The following CSMD1 variants were observed in gnomAD, a reference collection of about 807,000 sequenced individuals.
CSMD1 encodes CUB and sushi domain-containing protein 1.
Under a neutral mutation model 417.5 loss-of-function variants are expected in CSMD1, and 213 were observed. The observed-to-expected ratio is 0.51, with a 90% CI of 0.46 to 0.57. The LOEUF is 0.57. Among genes scored for constraint, CSMD1 ranks in the 20% least tolerant of loss-of-function variants. The pLI is 0.00. For synonymous variants in CSMD1, 2,862 were observed against 1,736.8 expected, an observed-to-expected ratio of 1.65 and a Z score of -16.11; for missense variants, 6,923 against 4,529.7, an observed-to-expected ratio of 1.53 and a Z score of -15.17.
At chr8:4,554,190 G>C (rs1285621775) in intron 2 of CSMD1, among the ~76,000 whole-genome samples, 1 of 152,146 alleles carries the variant, frequency 6.6e-6, no homozygotes, top group Non-Finnish European at 1.5e-5. Flanking sequence ...AGGCTGGAGT[G>C]CAGTGGAGAA....
chr8:4,346,117 G>C (rs550453044), intron 3 of CSMD1, among the ~76,000 whole-genome samples: 6 of 152,218 alleles, frequency 3.9e-5, no homozygotes, highest in African/African-American at 1.4e-4. Context: ...GCATTAGAAA[G>C]GACCTGGAGG....
At chr8:4,153,837 C>A (rs955369737) in intron 3 of CSMD1, among the ~76,000 whole-genome samples, 3 of 152,212 alleles carry the variant, frequency 2.0e-5, no homozygotes, top group Non-Finnish European at 2.9e-5. Context: ...ACGTCACATG[C>A]AAGTGGTGAC....
At chr8:3,476,347 C>G (rs1817421118) in intron 11 of CSMD1, among the ~76,000 whole-genome samples, 1 of 152,110 alleles carries the variant, frequency 6.6e-6, no homozygotes, top group Non-Finnish European at 1.5e-5. Context: ...ATGTGTTTTT[C>G]CAATTCCCTG....
At chr8:3,852,011 C>T (rs995168636) in intron 5 of CSMD1, among the ~76,000 whole-genome samples, 3 of 152,148 alleles carry the variant, frequency 2.0e-5, no homozygotes, top group East Asian at 1.9e-4. Flanking sequence ...CTGCAATCAC[C>T]GGTGAGGACA....
chr8:4,392,054 C>A (rs1438427680), intron 3 of CSMD1, among the ~76,000 whole-genome samples: 1 of 152,192 alleles, frequency 6.6e-6, no homozygotes, highest in African/African-American at 2.4e-5. Context: ...GGCAATGCGA[C>A]CCTGTGGGAC....
intron 26 of CSMD1, among the ~76,000 whole-genome samples, chr8:3,269,057 G>A (rs974090752): frequency 6.6e-6 from 1 of 152,174 alleles, no homozygotes; most frequent in African/African-American, 2.4e-5. Flanking sequence ...GCTAATGTTA[G>A]AGAAAATGAA....
At chr8:4,062,311 T>A (rs995509083) in intron 3 of CSMD1, among the ~76,000 whole-genome samples, 6 of 152,186 alleles carry the variant, frequency 3.9e-5, no homozygotes, top group African/African-American at 1.2e-4. Flanking sequence ...AACTGGGGAC[T>A]TCTAAATAAT....
At chr8:4,148,133 G>C (rs146658154) in intron 3 of CSMD1, among the ~76,000 whole-genome samples, 1 of 152,098 alleles carries the variant, frequency 6.6e-6, no homozygotes, top group East Asian at 1.9e-4. Context: ...CATGCTCTGG[G>C]TGAAGCTCAA....
intron 1 of CSMD1, among the ~76,000 whole-genome samples, chr8:4,820,986 C>T (rs1163139814): frequency 1.3e-5 from 2 of 152,246 alleles, no homozygotes; most frequent in East Asian, 3.9e-4. Flanking sequence ...GTAAGAGACA[C>T]AATCTGCACG....
chr8:4,261,505 T>C (rs1026574327), intron 3 of CSMD1, among the ~76,000 whole-genome samples: 4 of 152,228 alleles, frequency 2.6e-5, no homozygotes, highest in Non-Finnish European at 5.9e-5. Flanking sequence ...TTACTTTAGC[T>C]AGTAATACTG....
chr8:4,039,447 T>A (rs1335631101), intron 3 of CSMD1, among the ~76,000 whole-genome samples: 2 of 152,206 alleles, frequency 1.3e-5, no homozygotes, highest in Non-Finnish European at 2.9e-5. Context: ...GATTTCCTAG[T>A]CTTGAAACCT....
intron 3 of CSMD1, among the ~76,000 whole-genome samples, chr8:4,199,617 A>G (rs1799535307): frequency 6.6e-6 from 1 of 152,162 alleles, no homozygotes; most frequent in Non-Finnish European, 1.5e-5. Flanking sequence ...AACGCCTTGC[A>G]TTTTGCTTTG....
intron 3 of CSMD1, among the ~76,000 whole-genome samples, chr8:4,229,484 G>C (rs1020524148): frequency 6.6e-6 from 1 of 152,138 alleles, no homozygotes. Flanking sequence ...ACTTACCAAA[G>C]AAAGAACATT....
chr8:4,889,069 C>A (rs1053035022), intron 1 of CSMD1, among the ~76,000 whole-genome samples: 1 of 152,044 alleles, frequency 6.6e-6, no homozygotes, highest in Non-Finnish European at 1.5e-5. Context: ...ATGTGGTAAG[C>A]CCAGTGAATG....
At chr8:3,711,911 C>G (rs932054867) in intron 6 of CSMD1, among the ~76,000 whole-genome samples, 2 of 152,170 alleles carry the variant, frequency 1.3e-5, no homozygotes, top group African/African-American at 2.4e-5. Flanking sequence ...AAACAGAGAT[C>G]TGTTTACTCA....
At chr8:3,737,797 A>G (rs904994039) in intron 6 of CSMD1, among the ~76,000 whole-genome samples, 1 of 152,218 alleles carries the variant, frequency 6.6e-6, no homozygotes, top group South Asian at 2.1e-4. Context: ...AAAGGAGACA[A>G]ATAAAAATAG....
chr8:4,387,191 G>A (rs1225041058), intron 3 of CSMD1, among the ~76,000 whole-genome samples: 1 of 152,136 alleles, frequency 6.6e-6, no homozygotes, highest in Non-Finnish European at 1.5e-5. Flanking sequence ...TGGCTAGGAG[G>A]TATCTGAGTG....
intron 5 of CSMD1, among the ~76,000 whole-genome samples, chr8:3,904,376 G>A (rs1267277933): frequency 6.6e-6 from 1 of 152,002 alleles, no homozygotes; most frequent in Non-Finnish European, 1.5e-5. Flanking sequence ...ACTCTTTATT[G>A]CAATGGAAAC....
chr8:4,978,753 C>A (rs536849161), intron 1 of CSMD1, among the ~76,000 whole-genome samples: 35 of 152,274 alleles, frequency 2.3e-4, no homozygotes, highest in African/African-American at 8.4e-4. Context: ...GCCTGGCCAA[C>A]ACAGTGAAAC....
Sources: allele counts gnomAD v4.1 joint callset (sites outside exome capture counted in the v4.1 genomes callset), GRCh38; gene constraint gnomAD v4.1.1; transcripts MANE v1.5; gene names NCBI Gene and HGNC (gene_info 2026-07-23, HGNC 2026-07-21).